Variants in SLC39A11 observed in about 807,000 individuals in gnomAD.
SLC39A11 encodes the protein solute carrier family 39 member 11, also known as zinc transporter ZIP11.
A neutral mutation model predicts 36.1 loss-of-function variants in SLC39A11; 33 were observed. The ratio of observed to expected loss-of-function variants is 0.91; its 90% CI spans 0.69 to 1.22. The LOEUF is 1.22. Among genes scored for constraint, SLC39A11 ranks in the 50% most tolerant of loss-of-function variants. The pLI is 0.00. For synonymous variants in SLC39A11, 166 were observed against 170.3 expected, an observed-to-expected ratio of 0.97 and a Z score of 0.20; for missense variants, 432 against 430.3, an observed-to-expected ratio of 1.00 and a Z score of -0.03.
chr17:72,764,850 A>G (rs1212544298), intron 6 of SLC39A11, among the ~76,000 whole-genome samples: 2 of 152,322 alleles, frequency 1.3e-5, no homozygotes, highest in Admixed American at 1.3e-4. Context: ...AAAGTCATCC[A>G]TCCAGTGATG....
At chr17:72,808,981 T>C (rs1251949790) in intron 6 of SLC39A11, among the ~76,000 whole-genome samples, 2 of 152,228 alleles carry the variant, frequency 1.3e-5, no homozygotes, top group Non-Finnish European at 2.9e-5. Flanking sequence ...GCTGTCCTTA[T>C]GTTAATTAAA....
chr17:72,822,354 T>TAG (rs1210946089), intron 6 of SLC39A11, among the ~76,000 whole-genome samples: 12 of 148,170 alleles, frequency 8.1e-5, no homozygotes, highest in African/African-American at 1.7e-4. Context: ...AATATATATA[T>TAG]AGAGAGAGAG....
intron 7 of SLC39A11, 108 bp downstream of exon 7, chr17:72,736,542 G>T: frequency 1.1e-6 from 1 of 920,666 alleles, no homozygotes; most frequent in Non-Finnish European, 1.8e-6. Context: ...GTCCTGTGGG[G>T]CTGGGGTGCT....
chr17:72,686,027 G>A (rs1045823143), intron 7 of SLC39A11, among the ~76,000 whole-genome samples: 2 of 147,180 alleles, frequency 1.4e-5, no homozygotes, highest in East Asian at 1.9e-4. Flanking sequence ...CTGAGACTCT[G>A]TCTTAAAAAA....
intron 3 of SLC39A11, among the ~76,000 whole-genome samples, chr17:73,064,882 G>A (rs1009609735): frequency 6.6e-6 from 1 of 152,172 alleles, no homozygotes; most frequent in Non-Finnish European, 1.5e-5. Context: ...ATACTTGGCA[G>A]AGGGGGGATA....
intron 6 of SLC39A11, among the ~76,000 whole-genome samples, chr17:72,793,210 A>G (rs2076774669): frequency 6.6e-6 from 1 of 152,172 alleles, no homozygotes; most frequent in Non-Finnish European, 1.5e-5. Context: ...AGCACCAGAC[A>G]AAGGCTATTG....
In SLC39A11 at chr17:72,646,826, C is replaced by T. The variant is rs1345221461; in HGVS notation, c.*758G>A. On this transcript the variant is annotated 3_prime_UTR_variant, in exon 10 of 10. Transcript: ENST00000255559. ...CGACAAATGGCCTTGCTCCTGGAAT[C>T]CATTGACAGCAGAGGCCTCCGAACA... 2 of 152,450 alleles carry T rather than the reference C, an allele frequency of 1.3e-5. No individual in the cohort carries two copies. The highest frequency in any genetic ancestry group is 4.8e-5 in the African/African-American group (2 of 41,422). 9.4% of individuals were successfully genotyped at this position (152,450 alleles called of 1,614,324 possible).
chr17:72,730,546 T>C (rs1249189941), intron 7 of SLC39A11, among the ~76,000 whole-genome samples: 1 of 152,256 alleles, frequency 6.6e-6, no homozygotes. Context: ...GGCTGAATTA[T>C]TTCACTTTGA....
intron 7 of SLC39A11, among the ~76,000 whole-genome samples, chr17:72,651,528 T>C (rs986075465): frequency 1.3e-5 from 2 of 151,930 alleles, no homozygotes; most frequent in Admixed American, 1.3e-4. Flanking sequence ...TTAGGGGACA[T>C]GGATATGTAA....
chr17:72,888,563 A>C (rs931427705), intron 5 of SLC39A11, among the ~76,000 whole-genome samples: 2 of 152,200 alleles, frequency 1.3e-5, no homozygotes, highest in African/African-American at 4.8e-5. Context: ...CCATGCAACA[A>C]CATCATTTTG....
chr17:73,030,076 G>A (rs993456375), intron 4 of SLC39A11, among the ~76,000 whole-genome samples: 6 of 152,192 alleles, frequency 3.9e-5, no homozygotes, highest in Non-Finnish European at 7.3e-5. Context: ...GGAGCACGCA[G>A]CCTGGATCCC....
rs200201452 is a variant in SLC39A11, at chr17:72,888,404, A to G, written c.431-38600T>C. ...AAGCCACTCAAAAGAGCCTAAACAC[A>G]TGGCTCTACCTGATCCCAACAGATG... On this transcript the variant is annotated intron_variant, in intron 5 of 9. Transcript: ENST00000255559. Among the ~76,000 whole-genome samples, 4 of 152,330 alleles carry G rather than the reference A, an allele frequency of 2.6e-5. No individual in the cohort carries two copies. In the East Asian group the frequency reaches 7.7e-4, roughly 29 times the overall value.
At chr17:72,791,260 G>C (rs1291458517) in intron 6 of SLC39A11, among the ~76,000 whole-genome samples, 1 of 152,166 alleles carries the variant, frequency 6.6e-6, no homozygotes, top group Non-Finnish European at 1.5e-5. Context: ...TTTGAGACCA[G>C]CCTGGCCAAC....
chr17:72,937,694 T>C (rs2084858940), intron 5 of SLC39A11, among the ~76,000 whole-genome samples: 1 of 152,162 alleles, frequency 6.6e-6, no homozygotes, highest in African/African-American at 2.4e-5. Context: ...TGAATCTCCT[T>C]GAAGGCACGT....
intron 6 of SLC39A11, chr17:72,838,171 G>A (rs2078650678): frequency 5.0e-6 from 2 of 399,200 alleles, no homozygotes; most frequent in Non-Finnish European, 8.8e-6. Flanking sequence ...GATGGTGGTT[G>A]CACAACCTTT....
In SLC39A11 at chr17:72,988,696, CTTAT is replaced by C. The variant is rs1204356414; in HGVS notation, c.307-40825_307-40822del. Reference sequence around the variant, plus strand: ...CTGTTTCTATGAATTGTGTTACTTACTTATTTATTTATTTATTTATTTTTATTTT... The same window carrying C: ...CTGTTTCTATGAATTGTGTTACTTACTTATTTATTTATTTATTTTTATTTT... On this transcript the variant is annotated intron_variant, in intron 4 of 9. Coordinates refer to ENST00000255559, the MANE Select transcript of SLC39A11 (RefSeq NM_139177.4). Among the ~76,000 whole-genome samples, 12 of 151,924 alleles carry C rather than the reference CTTAT, an allele frequency of 7.9e-5. No individual in the cohort carries two copies. The East Asian group carries it at 9.7e-4, about 12-fold the overall frequency.
chr17:72,647,392 C>T lies in SLC39A11; in HGVS notation c.*192G>A, dbSNP rs750559772. ...ATTTCCATGACACCTTAAAATTCCC[C>T]ATTAAATCAAAAATCTCCCTCAAAG... On this transcript the variant is annotated 3_prime_UTR_variant, in exon 10 of 10. Coordinates refer to ENST00000255559, the MANE Select transcript of SLC39A11 (RefSeq NM_139177.4). The T allele has an allele frequency of 6.2e-5, 27 of 437,044 alleles. No homozygotes were observed. Among genetic ancestry groups the T allele is most frequent in the Non-Finnish European group, 1.0e-4 (25 of 244,834 alleles). 27.1% of individuals were successfully genotyped at this position (437,044 alleles called of 1,614,324 possible).
intron 4 of SLC39A11, among the ~76,000 whole-genome samples, chr17:72,977,723 G>C (rs2087964908): frequency 6.6e-6 from 1 of 152,188 alleles, no homozygotes; most frequent in African/African-American, 2.4e-5. Context: ...GGCTGGAACA[G>C]AAACACCCCC....
chr17:72,911,794 T>A (rs2083017817), intron 5 of SLC39A11, among the ~76,000 whole-genome samples: 1 of 152,074 alleles, frequency 6.6e-6, no homozygotes, highest in Non-Finnish European at 1.5e-5. Flanking sequence ...CAGGCACACA[T>A]CACCATGTCC....
Sources: allele counts gnomAD v4.1 joint callset (sites outside exome capture counted in the v4.1 genomes callset), GRCh38; gene constraint gnomAD v4.1.1; transcripts MANE v1.5; gene names NCBI Gene and HGNC (gene_info 2026-07-23, HGNC 2026-07-21).